FGF14: variants seen among roughly 807,000 people sequenced by gnomAD.
FGF14 encodes fibroblast growth factor homologous factor 4.
FGF14 carries 5 observed loss-of-function variants against 25.5 expected under a neutral mutation model. The ratio of observed to expected loss-of-function variants is 0.20; its 90% CI spans 0.10 to 0.41. The LOEUF (loss-of-function observed/expected upper bound fraction) is 0.41, where lower values mean the gene tolerates loss of function less well. Ranked by LOEUF, FGF14 falls within the 10% of genes least tolerant of loss-of-function variation. The pLI is 1.00. For synonymous variants in FGF14, 138 were observed against 118.3 expected, an observed-to-expected ratio of 1.17 and a Z score of -1.08; for missense variants, 222 against 320.1, an observed-to-expected ratio of 0.69 and a Z score of 2.34.
chr13:101,963,734 T>C (rs2037012382), intron 1 of FGF14, among the ~76,000 whole-genome samples: 1 of 152,244 alleles, frequency 6.6e-6, no homozygotes, highest in Admixed American at 6.5e-5. Context: ...TCACAATGAA[T>C]TACTTTATTA....
rs544385558 is a variant in FGF14 at position 102,357,967 on chromosome 13, G to T, written c.208+43504C>A. ...AACAGTTGTATGGGCAGAGATATCA[G>T]AAGGGAAAGATTTTTCACCAACAGC... On this transcript the variant is annotated intron_variant, in intron 1 of 4. Coordinates refer to the FGF14 transcript ENST00000376131. 5.9e-5 allele frequency among the ~76,000 whole-genome samples: 9 copies of T among 152,268 alleles called. No individual in the cohort carries two copies. The South Asian group carries it at 1.9e-3, about 32-fold the overall frequency.
At position 101,797,772 on chromosome 13, in the gene FGF14, T is replaced by TGTGTGTGTGTGTGTGTGC. The variant is rs1555384576; in HGVS notation, c.408+70952_408+70953insGCACACACACACACACAC. Among the ~76,000 whole-genome samples, 164 of 145,668 alleles carry TGTGTGTGTGTGTGTGTGC rather than the reference T, an allele frequency of 1.1e-3. 3 individuals are homozygous for TGTGTGTGTGTGTGTGTGC. The highest frequency in any genetic ancestry group is 1.8e-3 in the South Asian group (8 of 4,494). On this transcript the variant is annotated intron_variant, in intron 3 of 4. Transcript: ENST00000376143. ...GTGTGTGTGTGTGTGTGTGTGTGTG[T>TGTGTGTGTGTGTGTGTGC]GTGTGTGTGTTCAACCTCAGTAGAA... is the stretch of plus-strand genomic sequence containing the variant.
intron 1 of FGF14, among the ~76,000 whole-genome samples, chr13:101,896,431 C>T (rs541569793): frequency 9.9e-5 from 15 of 152,236 alleles, no homozygotes; most frequent in African/African-American, 3.6e-4. Context: ...TAGATCACTC[C>T]TCAGCAAGCC....
chr13:102,127,907 A>G (rs1008542867), intron 1 of FGF14, among the ~76,000 whole-genome samples: 3 of 152,208 alleles, frequency 2.0e-5, no homozygotes, highest in Non-Finnish European at 4.4e-5. Context: ...GCTGTAAATG[A>G]CAGCACAAGT....
At chr13:101,879,593 A>C (rs1044349585) in intron 1 of FGF14, among the ~76,000 whole-genome samples, 1 of 152,192 alleles carries the variant, frequency 6.6e-6, no homozygotes, top group Non-Finnish European at 1.5e-5. Context: ...ATTTTAAATT[A>C]TGATTTAAAT....
chr13:102,327,976 CA>C (rs4000851), intron 1 of FGF14, among the ~76,000 whole-genome samples: 27,002 of 142,088 alleles, frequency 0.19, 2,508 homozygotes, highest in East Asian at 0.4. Flanking sequence ...CTGGAAGGAT[CA>C]AAAAAAAAAA....
chr13:102,029,227 T>C (rs973384500), intron 1 of FGF14, among the ~76,000 whole-genome samples: 9 of 152,062 alleles, frequency 5.9e-5, no homozygotes, highest in African/African-American at 2.2e-4. Context: ...GAGCAGACGT[T>C]CTTATGTTTT....
At position 102,024,856 on chromosome 13, in the gene FGF14, T is replaced by C. The variant is rs1223171623; in HGVS notation, c.209-149560A>G. On this transcript the variant is annotated intron_variant, in intron 1 of 4. Coordinates refer to the FGF14 transcript ENST00000376131. ...GTTAAAATACTACCATTTCCCCCAC[T>C]GAATAGTCTTGGTACCCTTGTCAAA... 2.6e-5 allele frequency among the ~76,000 whole-genome samples: 4 copies of C among 151,924 alleles called. No individual in the cohort carries two copies. In the East Asian group the frequency reaches 7.8e-4, roughly 30 times the overall value.
intron 1 of FGF14, among the ~76,000 whole-genome samples, chr13:102,386,894 C>T (rs565995234): frequency 2.6e-5 from 4 of 152,162 alleles, no homozygotes; most frequent in East Asian, 1.9e-4. Context: ...CACTCATTTG[C>T]GAAAAGTTTG....
chr13:102,193,251 T>C (rs150099020), intron 1 of FGF14, among the ~76,000 whole-genome samples: 11 of 152,332 alleles, frequency 7.2e-5, no homozygotes, highest in Non-Finnish European at 1.3e-4. Flanking sequence ...CTCTGTGCTC[T>C]GCCATGGCCT....
At chr13:102,380,290 A>C (rs2058151913) in intron 1 of FGF14, among the ~76,000 whole-genome samples, 1 of 152,130 alleles carries the variant, frequency 6.6e-6, no homozygotes, top group East Asian at 1.9e-4. Flanking sequence ...CATATAGTTT[A>C]CCTGTTTTCA....
At chr13:101,723,820 T>C (rs908189028) in intron 4 of FGF14, among the ~76,000 whole-genome samples, 3 of 120,608 alleles carry the variant, frequency 2.5e-5, no homozygotes, top group Non-Finnish European at 5.7e-5. Flanking sequence ...TGACTGATGG[T>C]TGGGGAAAAC....
At chr13:102,034,534 A>G (rs979924231) in intron 1 of FGF14, among the ~76,000 whole-genome samples, 5 of 152,190 alleles carry the variant, frequency 3.3e-5, no homozygotes, top group Non-Finnish European at 7.4e-5. Flanking sequence ...AAGTTGAGTC[A>G]AGTGAGGCAC....
At chr13:101,978,532 T>C (rs192785119) in intron 1 of FGF14, among the ~76,000 whole-genome samples, 1 of 152,306 alleles carries the variant, frequency 6.6e-6, no homozygotes, top group East Asian at 1.9e-4. Flanking sequence ...AATGAGGTTG[T>C]TTGTTGTGGT....
intron 1 of FGF14, among the ~76,000 whole-genome samples, chr13:102,145,210 A>G (rs1204606598): frequency 6.6e-6 from 1 of 152,188 alleles, no homozygotes; most frequent in Non-Finnish European, 1.5e-5. Flanking sequence ...ATTTCTAATT[A>G]AGTTATGACA....
intron 1 of FGF14, among the ~76,000 whole-genome samples, chr13:101,909,242 G>A (rs1054621755): frequency 2.6e-5 from 4 of 152,138 alleles, no homozygotes; most frequent in Admixed American, 2.0e-4. Context: ...TTGACAAATG[G>A]GATCTAATTA....
intron 1 of FGF14, among the ~76,000 whole-genome samples, chr13:101,922,445 C>T (rs997692976): frequency 2.3e-4 from 35 of 152,134 alleles, no homozygotes; most frequent in Non-Finnish European, 5.9e-5. Context: ...TCAAAAAGGA[C>T]TTCTGGTATT....
At chr13:102,132,744 C>A (rs1285993616) in intron 1 of FGF14, among the ~76,000 whole-genome samples, 7 of 152,098 alleles carry the variant, frequency 4.6e-5, no homozygotes, top group African/African-American at 1.7e-4. Flanking sequence ...TGGCCTCGAA[C>A]TCCTGACCTC....
At chr13:102,370,855 T>C (rs536249833) in intron 1 of FGF14, among the ~76,000 whole-genome samples, 24 of 151,568 alleles carry the variant, frequency 1.6e-4, no homozygotes, top group Non-Finnish European at 2.9e-4. Flanking sequence ...CTAATGACCT[T>C]AAGGCCTTAA....
Sources: allele counts gnomAD v4.1 joint callset (sites outside exome capture counted in the v4.1 genomes callset), GRCh38; gene constraint gnomAD v4.1.1; transcripts MANE v1.5; gene names NCBI Gene and HGNC (gene_info 2026-07-23, HGNC 2026-07-21).